The following ZNF516 variants were observed in gnomAD, a reference collection of about 807,000 sequenced individuals.
ZNF516 encodes the protein zinc finger protein 516.
Under a neutral mutation model 79.7 loss-of-function variants are expected in ZNF516, and 19 were observed. The observed-to-expected ratio is 0.24, with a 90% CI of 0.17 to 0.35. ZNF516 has a LOEUF of 0.35. Ranked by LOEUF, ZNF516 falls within the 10% of genes least tolerant of loss-of-function variation. The pLI, the probability that ZNF516 is intolerant of heterozygous loss-of-function variation, is 1.00. For missense variants in ZNF516, 1,678 were observed against 1,679.5 expected (o/e 1.00, Z 0.02); for synonymous variants, 877 against 739.5 (o/e 1.19, Z -3.02).
chr18:76,422,013 A>G (rs1316404204), intron 3 of ZNF516, among the ~76,000 whole-genome samples: 1 of 152,230 alleles, frequency 6.6e-6, no homozygotes, highest in Non-Finnish European at 1.5e-5. Flanking sequence ...GCACCAGACT[A>G]CCAGTGAGTA....
At chr18:76,468,886 T>C (rs1343731863) in intron 1 of ZNF516, among the ~76,000 whole-genome samples, 10 of 151,948 alleles carry the variant, frequency 6.6e-5, no homozygotes. Flanking sequence ...AGAGTGTTTG[T>C]TGCCAGGACT....
chr18:76,454,691 A>ATT (rs1208822484), intron 2 of ZNF516, among the ~76,000 whole-genome samples: 1 of 152,158 alleles, frequency 6.6e-6, no homozygotes, highest in Non-Finnish European at 1.5e-5. Context: ...GTCTAAAAAT[A>ATT]TTTTTTCAAA....
chr18:76,424,484 T>A (rs2075560935), intron 3 of ZNF516, among the ~76,000 whole-genome samples: 1 of 105,958 alleles, frequency 9.4e-6, no homozygotes, highest in African/African-American at 3.8e-5. Context: ...GGTTCCCACA[T>A]GAAACACACG....
intron 3 of ZNF516, among the ~76,000 whole-genome samples, chr18:76,391,722 T>G (rs1339924461): frequency 6.6e-6 from 1 of 152,230 alleles, no homozygotes; most frequent in Admixed American, 6.5e-5. Flanking sequence ...AAATACCAAA[T>G]TAGAAACAGG....
chr18:76,475,440 G>A (rs1431946928), intron 1 of ZNF516, among the ~76,000 whole-genome samples: 1 of 152,222 alleles, frequency 6.6e-6, no homozygotes, highest in African/African-American at 2.4e-5. Context: ...AAATTTGGCA[G>A]TATCTGTCAA....
Position 76,487,973 on chromosome 18 carries a change from C to T in ZNF516, c.-272+7171G>A, listed in dbSNP as rs928492458. 3 of 985,298 alleles carry T rather than the reference C, an allele frequency of 3.0e-6. No individual in the cohort carries two copies. The African/African-American group carries it at 5.2e-5, about 17-fold the overall frequency. The allele number at this position is 985,298 out of a possible 1,614,324, so 61.0% of individuals were successfully genotyped here. On this transcript the variant is annotated intron_variant, in intron 1 of 6. Coordinates refer to ENST00000443185, the MANE Select transcript of ZNF516 (RefSeq NM_014643.4). The stretch of plus-strand genomic sequence containing the variant: ...ACTGTCAGCTCATGCCACCAGTTAG[C>T]GACCAGCCCAAGGGGAACCTAACCA...
At chr18:76,437,777 A>G (rs556719014) in intron 3 of ZNF516, among the ~76,000 whole-genome samples, 99 of 152,348 alleles carry the variant, frequency 6.5e-4, no homozygotes, top group African/African-American at 2.3e-3. Flanking sequence ...GAATAACAAA[A>G]AAAAGCCTGT....
At position 76,481,276 on chromosome 18, in the gene ZNF516, A is replaced by T. The variant is rs540703346; in HGVS notation, c.-272+13868T>A. Among the ~76,000 whole-genome samples the T allele has an allele frequency of 3.3e-5, 5 of 152,310 alleles. No homozygotes were observed. The South Asian group carries it at 8.3e-4, about 25-fold the overall frequency. Reference sequence around the variant, plus strand: ...TTTCTCATTTGTGATGGATGACTCAAAATTGTTGCTTATTTTCAGAACAGA... The same window carrying T: ...TTTCTCATTTGTGATGGATGACTCATAATTGTTGCTTATTTTCAGAACAGA... On this transcript the variant is annotated intron_variant, in intron 1 of 6. Transcript: ENST00000443185.
In ZNF516 at chr18:76,379,969, G is replaced by A; in HGVS notation, c.2145C>T (p.Asn715=). ...GCTTCCCTCCCCCAGAGTGTTCCTT[G>A]TTGTGCAAATCGGACAGCTTTTCTG... ...HPAEKLSDLH[N]KEHSGGGKRA... is the part of the protein sequence containing the mutation. The change falls in exon 4 of 7, where the codon AAC becomes AAT. Residue 715 remains asparagine, a synonymous_variant. Transcript: ENST00000443185. 1 of 1,613,880 alleles carries A rather than the reference G, an allele frequency of 6.2e-7. No individual in the cohort carries two copies. Among genetic ancestry groups the A allele is most frequent in the Non-Finnish European group, 8.5e-7 (1 of 1,179,786 alleles).
At chr18:76,398,923 A>G (rs77967440) in intron 3 of ZNF516, among the ~76,000 whole-genome samples, 1 of 152,204 alleles carries the variant, frequency 6.6e-6, no homozygotes, top group African/African-American at 2.4e-5. Flanking sequence ...AAAAAAAAAA[A>G]TCAGGATCAC....
intron 3 of ZNF516, among the ~76,000 whole-genome samples, chr18:76,417,422 T>A (rs1442900874): frequency 6.6e-6 from 1 of 152,220 alleles, no homozygotes; most frequent in Non-Finnish European, 1.5e-5. Context: ...CGGGGAAACA[T>A]CAATGACTTT....
chr18:76,436,800 G>A (rs1237669784), intron 3 of ZNF516, among the ~76,000 whole-genome samples: 2 of 151,952 alleles, frequency 1.3e-5, no homozygotes, highest in African/African-American at 2.4e-5. Context: ...AGGTGCAGTG[G>A]CTCACACCTG....
chr18:76,428,529 T>C (rs1053855798), intron 3 of ZNF516, among the ~76,000 whole-genome samples: 3 of 151,852 alleles, frequency 2.0e-5, no homozygotes, highest in Non-Finnish European at 4.4e-5. Flanking sequence ...AACAGGCAAA[T>C]AGAACAAGAT....
At chr18:76,488,198 T>A (rs527352272) in intron 1 of ZNF516, 149 of 985,146 alleles carry the variant, frequency 1.5e-4, no homozygotes, top group Non-Finnish European at 1.7e-4. Context: ...CAACTCTAAA[T>A]GAGATGCAGC....
chr18:76,443,461 T>C (rs767327389), intron 2 of ZNF516, among the ~76,000 whole-genome samples: 1 of 152,138 alleles, frequency 6.6e-6, no homozygotes, highest in Non-Finnish European at 1.5e-5. Flanking sequence ...CCAAAATAAT[T>C]TTCTTTTCCC....
chr18:76,391,088 G>A (rs1190529553), intron 3 of ZNF516, among the ~76,000 whole-genome samples: 3 of 152,102 alleles, frequency 2.0e-5, no homozygotes, highest in Non-Finnish European at 4.4e-5. Context: ...GGGACACCAG[G>A]GGTCCACAGG....
intron 2 of ZNF516, among the ~76,000 whole-genome samples, chr18:76,444,396 T>A (rs1911915668): frequency 6.6e-6 from 1 of 152,162 alleles, no homozygotes. Flanking sequence ...ATGGGCCATG[T>A]TCTGAAAACC....
rs539994591 is a variant in ZNF516, at chr18:76,491,683, C to T, written c.-272+3461G>A. 2.6e-5 allele frequency: 10 copies of T among 378,694 alleles called. No homozygotes were observed. In the South Asian group the frequency reaches 9.6e-4, roughly 36 times the overall value. The allele number at this position is 378,694 out of a possible 1,614,324, so 23.5% of individuals were successfully genotyped here. A position where few individuals can be genotyped will look rare whatever the true frequency, so the allele number is the denominator to read the frequency against. Reference sequence around the variant, plus strand: ...AGCGGCCACCGCCCCCACCCCGGGGCGGGCAGGTGAGTCCCCCCCCGACCC... The same window carrying T: ...AGCGGCCACCGCCCCCACCCCGGGGTGGGCAGGTGAGTCCCCCCCCGACCC... On this transcript the variant is annotated intron_variant, in intron 1 of 6. Transcript: ENST00000443185.
intron 3 of ZNF516, among the ~76,000 whole-genome samples, chr18:76,390,723 C>T: frequency 6.6e-6 from 1 of 152,272 alleles, no homozygotes; most frequent in East Asian, 1.9e-4. Context: ...CTGGGTTTGC[C>T]AACTCAGCCT....
Sources: gnomAD v4.1 joint callset for allele counts (sites outside exome capture counted in the v4.1 genomes callset) on GRCh38, gnomAD v4.1.1 for gene constraint, MANE v1.5 for transcripts, NCBI Gene and HGNC (gene_info 2026-07-23, HGNC 2026-07-21) for gene names.